LHFPL6: variants seen among roughly 807,000 people sequenced by gnomAD.
The protein encoded by LHFPL6 is LHFPL tetraspan subfamily member 6 protein.
Under a neutral mutation model 20.6 loss-of-function variants are expected in LHFPL6, and 9 were observed. The observed-to-expected ratio is 0.44, with a 90% CI of 0.26 to 0.76. The LOEUF is 0.76. Ranked by LOEUF, LHFPL6 falls within the 30% of genes least tolerant of loss-of-function variation. The probability of loss-of-function intolerance (pLI) is 0.20; values close to 1 mark genes in which losing one functional copy is unlikely to be tolerated. For synonymous variants in LHFPL6, 105 were observed against 98.7 expected (o/e 1.06, Z -0.38); for missense variants, 218 against 253.5 (o/e 0.86, Z 0.95).
At chr13:39,363,946 T>C (rs1869946044) in intron 3 of LHFPL6, among the ~76,000 whole-genome samples, 1 of 152,204 alleles carries the variant, frequency 6.6e-6, no homozygotes. Flanking sequence ...TAATGCATTA[T>C]TAGGTGATTT....
At chr13:39,442,801 T>A (rs1364089416) in intron 2 of LHFPL6, among the ~76,000 whole-genome samples, 1 of 152,192 alleles carries the variant, frequency 6.6e-6, no homozygotes, top group Non-Finnish European at 1.5e-5. Flanking sequence ...AATCTCCTTC[T>A]TAAAACTCCA....
At chr13:39,434,864 G>A (rs1203068160) in intron 2 of LHFPL6, among the ~76,000 whole-genome samples, 3 of 151,836 alleles carry the variant, frequency 2.0e-5, no homozygotes, top group Admixed American at 1.3e-4. Context: ...AGACCATCCT[G>A]GCTAACAAGG....
chr13:39,461,650 CTA>C (rs1169577821), intron 2 of LHFPL6, among the ~76,000 whole-genome samples: 1 of 152,032 alleles, frequency 6.6e-6, no homozygotes, highest in Non-Finnish European at 1.5e-5. Context: ...TAAGGCTAGT[CTA>C]TGCCCAAAAG....
intron 2 of LHFPL6, among the ~76,000 whole-genome samples, chr13:39,524,414 C>T (rs1180822110): frequency 1.3e-5 from 2 of 151,618 alleles, no homozygotes; most frequent in Non-Finnish European, 2.9e-5. Context: ...TTTATTTATA[C>T]ACCTTTCAAG....
At chr13:39,531,269 A>T (rs758666724) in intron 2 of LHFPL6, among the ~76,000 whole-genome samples, 1 of 152,180 alleles carries the variant, frequency 6.6e-6, no homozygotes, top group Non-Finnish European at 1.5e-5. Context: ...AATATATTGC[A>T]TGTCATTGTA....
At chr13:39,417,375 AAC>A (rs1871375582) in intron 2 of LHFPL6, among the ~76,000 whole-genome samples, 1 of 151,104 alleles carries the variant, frequency 6.6e-6, no homozygotes, top group Non-Finnish European at 1.5e-5. Flanking sequence ...CGGCCGGAGC[AAC>A]GCTGTGAGAA....
chr13:39,425,219 G>A (rs1871607324), intron 2 of LHFPL6, among the ~76,000 whole-genome samples: 1 of 152,142 alleles, frequency 6.6e-6, no homozygotes, highest in African/African-American at 2.4e-5. Context: ...ATGATTTTGA[G>A]AGTCACCCTA....
Position 39,536,403 on chromosome 13 carries a change from C to A in LHFPL6, c.385+64429G>T, listed in dbSNP as rs529148316. ...ATCAGTTGCTACATCTCCAGGCTCTCTGCACTCCTACCAAAGCCGTGCCTC... is the reference window on the plus strand; with the variant it reads ...ATCAGTTGCTACATCTCCAGGCTCTATGCACTCCTACCAAAGCCGTGCCTC... On this transcript the variant is annotated intron_variant, in intron 2 of 3. Coordinates refer to ENST00000379589, the MANE Select transcript of LHFPL6 (RefSeq NM_005780.3). Among the ~76,000 whole-genome samples, 3 of 152,292 alleles carry A rather than the reference C, an allele frequency of 2.0e-5. No individual in the cohort carries two copies. The South Asian group carries it at 6.2e-4, about 32-fold the overall frequency.
chr13:39,456,190 G>A (rs896388225), intron 2 of LHFPL6, among the ~76,000 whole-genome samples: 2 of 152,170 alleles, frequency 1.3e-5, no homozygotes, highest in African/African-American at 2.4e-5. Flanking sequence ...ATCTTCCTGG[G>A]GATAATCTGC....
chr13:39,593,923 C>T (rs550661716), intron 2 of LHFPL6, among the ~76,000 whole-genome samples: 1 of 152,132 alleles, frequency 6.6e-6, no homozygotes, highest in Non-Finnish European at 1.5e-5. Context: ...ATGTAAAAAG[C>T]TGAAACTGGA....
chr13:39,405,953 C>T (rs533777755), intron 2 of LHFPL6, among the ~76,000 whole-genome samples: 1 of 152,086 alleles, frequency 6.6e-6, no homozygotes, highest in Non-Finnish European at 1.5e-5. Context: ...GGAATTTGTC[C>T]AAGGTATTTT....
chr13:39,579,573 A>G (rs1370593841), intron 2 of LHFPL6, among the ~76,000 whole-genome samples: 1 of 152,160 alleles, frequency 6.6e-6, no homozygotes, highest in Non-Finnish European at 1.5e-5. Flanking sequence ...CAATTTCAAA[A>G]ATTTTTTTAT....
intron 3 of LHFPL6, among the ~76,000 whole-genome samples, chr13:39,367,182 T>C (rs77141455): frequency 0.014 from 2,097 of 152,210 alleles, 23 homozygotes; most frequent in South Asian, 0.023. Context: ...GATATAAACA[T>C]GGGAACCACA....
intron 2 of LHFPL6, among the ~76,000 whole-genome samples, chr13:39,501,625 G>T (rs779445070): frequency 3.9e-5 from 6 of 152,136 alleles, no homozygotes; most frequent in African/African-American, 1.2e-4. Flanking sequence ...GTTATTTGTG[G>T]CATTTCACAA....
chr13:39,571,638 A>T (rs1871918428), intron 2 of LHFPL6, among the ~76,000 whole-genome samples: 1 of 152,060 alleles, frequency 6.6e-6, no homozygotes, highest in African/African-American at 2.4e-5. Context: ...GCGGGTATCC[A>T]GTAAGGCTGT....
chr13:39,345,482 C>T (rs1322522090), intron 3 of LHFPL6, among the ~76,000 whole-genome samples: 4 of 122,234 alleles, frequency 3.3e-5, no homozygotes, highest in Non-Finnish European at 4.8e-5. Flanking sequence ...CACTGAACTC[C>T]AGCCTGGGTC....
intron 2 of LHFPL6, among the ~76,000 whole-genome samples, chr13:39,548,743 GC>G (rs1871055198): frequency 6.6e-6 from 1 of 152,050 alleles, no homozygotes; most frequent in Admixed American, 6.6e-5. Flanking sequence ...CATAGAAATG[GC>G]TGATTCCAGG....
chr13:39,403,200 A>G (rs1430397470), intron 2 of LHFPL6, among the ~76,000 whole-genome samples: 4 of 152,218 alleles, frequency 2.6e-5, no homozygotes, highest in African/African-American at 9.6e-5. Flanking sequence ...GTCAAGTGGC[A>G]ATTCAAGTCA....
At chr13:39,386,962 A>C (rs571886329) in intron 2 of LHFPL6, among the ~76,000 whole-genome samples, 15 of 152,170 alleles carry the variant, frequency 9.9e-5, no homozygotes, top group Non-Finnish European at 2.2e-4. Flanking sequence ...AAGCCTCAAC[A>C]CATTGCCTTT....
Sources: allele counts gnomAD v4.1 joint callset (sites outside exome capture counted in the v4.1 genomes callset), GRCh38; gene constraint gnomAD v4.1.1; transcripts MANE v1.5; gene names NCBI Gene and HGNC (gene_info 2026-07-23, HGNC 2026-07-21).